GRAMD1C: variants seen among roughly 807,000 people sequenced by gnomAD.
GRAMD1C encodes GRAM domain containing 1C, also known as protein Aster-C.
In GRAMD1C, 89 loss-of-function variants were observed where a neutral mutation model predicts 97.8. The observed-to-expected ratio is 0.91, with a 90% CI of 0.77 to 1.09. The LOEUF is 1.09. Ranked by LOEUF, GRAMD1C falls within the 50% of genes least tolerant of loss-of-function variation. The probability of loss-of-function intolerance (pLI) is 0.00; values close to 1 mark genes in which losing one functional copy is unlikely to be tolerated. For missense variants in GRAMD1C, 740 were observed against 766.4 expected (o/e 0.97, Z 0.41); for synonymous variants, 256 against 267.0 (o/e 0.96, Z 0.40).
intron 2 of GRAMD1C, among the ~76,000 whole-genome samples, chr3:113,868,168 T>C (rs567835391): frequency 6.6e-6 from 1 of 152,212 alleles, no homozygotes; most frequent in Non-Finnish European, 1.5e-5. Flanking sequence ...GTTCTTTACT[T>C]GTTGAGTCAT....
upstream of GRAMD1C, among the ~76,000 whole-genome samples, chr3:113,833,942 A>G (rs747871155): frequency 6.6e-6 from 1 of 152,204 alleles, no homozygotes; most frequent in South Asian, 2.1e-4. Context: ...GAAACTGCAC[A>G]GAATTCCAAA....
chr3:113,867,515 C>T (rs927398912), intron 2 of GRAMD1C, among the ~76,000 whole-genome samples: 2 of 152,078 alleles, frequency 1.3e-5, no homozygotes, highest in Admixed American at 1.3e-4. Flanking sequence ...CAGTCTTGAA[C>T]TATTGACCTT....
rs1245534158 is a variant in GRAMD1C, at chr3:113,885,710, C to A, written c.540+2878C>A. 2.1e-5 allele frequency: 32 copies of A among 1,538,978 alleles called. 1 individual carries two copies. In the Middle Eastern group the frequency reaches 9.4e-4, roughly 45 times the overall value. ...TTACAGAAAGCATGGAGATCTATGG[C>A]TTTGCTGTGGCAGGTAAACTGGACA... On this transcript the variant is annotated intron_variant, in intron 6 of 17. Transcript: ENST00000358160.
At chr3:113,883,932 G>A (rs183722195) in intron 6 of GRAMD1C, among the ~76,000 whole-genome samples, 20 of 152,170 alleles carry the variant, frequency 1.3e-4, no homozygotes, top group Admixed American at 7.8e-4. Flanking sequence ...GATAGCTTGA[G>A]TCCAGGAGTT....
intron 2 of GRAMD1C, among the ~76,000 whole-genome samples, chr3:113,856,904 A>G: frequency 6.6e-6 from 1 of 150,826 alleles, no homozygotes; most frequent in East Asian, 1.9e-4. Flanking sequence ...CTGTGGTACA[A>G]TCTCGGCTCA....
chr3:113,852,482 A>G (rs939916139), intron 2 of GRAMD1C, among the ~76,000 whole-genome samples: 1 of 152,230 alleles, frequency 6.6e-6, no homozygotes, highest in Non-Finnish European at 1.5e-5. Flanking sequence ...ACTTCTGGCA[A>G]TACAAGAAGG....
intron 1 of GRAMD1C, among the ~76,000 whole-genome samples, chr3:113,843,481 T>C (rs542001893): frequency 6.6e-6 from 1 of 152,134 alleles, no homozygotes; most frequent in South Asian, 2.1e-4. Context: ...AATTACCCGA[T>C]GGGCCCATAT....
chr3:113,845,912 C>T (rs933443597), intron 2 of GRAMD1C, among the ~76,000 whole-genome samples: 7 of 115,208 alleles, frequency 6.1e-5, no homozygotes, highest in East Asian at 2.2e-4. Flanking sequence ...GTGACTAAAA[C>T]GTTTGATTTC....
chr3:113,843,751 C>A (rs1933479702), intron 1 of GRAMD1C, among the ~76,000 whole-genome samples: 1 of 152,232 alleles, frequency 6.6e-6, no homozygotes, highest in Non-Finnish European at 1.5e-5. Context: ...AGCCACCTCG[C>A]ACAGCTGGCA....
chr3:113,934,579 T>G, intron 13 of GRAMD1C, 44 bp downstream of exon 13: 1 of 841,272 alleles, frequency 1.2e-6, no homozygotes, highest in East Asian at 2.6e-5. Flanking sequence ...AAGATGGGAT[T>G]TATTAACAAA....
At chr3:113,887,067 A>C (rs1331635717) in intron 6 of GRAMD1C, among the ~76,000 whole-genome samples, 7 of 140,752 alleles carry the variant, frequency 5.0e-5, no homozygotes, top group Non-Finnish European at 1.5e-5. Flanking sequence ...GGCATGAGCC[A>C]CTGCGCCTGG....
chr3:113,858,394 ATT>A (rs71144094), intron 2 of GRAMD1C, among the ~76,000 whole-genome samples: 3 of 109,358 alleles, frequency 2.7e-5, no homozygotes, highest in Non-Finnish European at 3.4e-5. Context: ...TCCCAGCTAC[ATT>A]TTTTTTTTTT....
intron 9 of GRAMD1C, among the ~76,000 whole-genome samples, chr3:113,909,522 T>C (rs1936489271): frequency 6.6e-6 from 1 of 152,214 alleles, no homozygotes; most frequent in Non-Finnish European, 1.5e-5. Context: ...CACAGCTAGT[T>C]AACTATGCAG....
At chr3:113,933,098 T>C (rs1017685812) in intron 11 of GRAMD1C, among the ~76,000 whole-genome samples, 1 of 152,178 alleles carries the variant, frequency 6.6e-6, no homozygotes, top group Admixed American at 6.5e-5. Flanking sequence ...TTGGCCAGGC[T>C]GGTCTTGAAC....
intron 6 of GRAMD1C, among the ~76,000 whole-genome samples, chr3:113,883,537 A>C (rs1935338827): frequency 6.6e-6 from 1 of 151,986 alleles, no homozygotes; most frequent in African/African-American, 2.4e-5. Context: ...AAAAAAAAAA[A>C]AAACAACCAT....
chr3:113,886,761 TTTTG>T (rs1268635712), intron 6 of GRAMD1C, among the ~76,000 whole-genome samples: 31 of 150,804 alleles, frequency 2.1e-4, no homozygotes, highest in Non-Finnish European at 3.4e-4. Flanking sequence ...AGTTGTTTTT[TTTTG>T]TTTGTTTGCT....
chr3:113,907,100 C>T (rs1292849156), intron 8 of GRAMD1C, among the ~76,000 whole-genome samples: 6 of 152,136 alleles, frequency 3.9e-5, no homozygotes, highest in Non-Finnish European at 8.8e-5. Flanking sequence ...GTCATCAAAG[C>T]AATGTATGAC....
chr3:113,873,174 A>C (rs9815831), intron 3 of GRAMD1C, among the ~76,000 whole-genome samples: 91,448 of 148,398 alleles, frequency 0.62, 28,259 homozygotes, highest in South Asian at 0.75. Context: ...ACATGAGAAT[A>C]GCTTGAACCC....
rs921626073 is a variant in GRAMD1C at position 113,838,849 on chromosome 3, G to GGCGCGGGGCGGTGC, written c.-59_-46dup. 1.3e-5 allele frequency: 15 copies of GGCGCGGGGCGGTGC among 1,193,848 alleles called. No individual in the cohort carries two copies. Among genetic ancestry groups the GGCGCGGGGCGGTGC allele is most frequent in the African/African-American group, 1.6e-5 (1 of 63,396 alleles). 74.0% of individuals were successfully genotyped at this position (1,193,848 alleles called of 1,614,324 possible). A position where few individuals can be genotyped will look rare whatever the true frequency, so the allele number is the denominator to read the frequency against. On this transcript the variant is annotated 5_prime_UTR_variant, in exon 1 of 18. Transcript: ENST00000358160. ...TAACTCGCAGCGCGCGCTGGAGGTG[G>GGCGCGGGGCGGTGC]GCGCGGGGCGGTGCGGTGCGGTGCG... is the stretch of plus-strand genomic sequence containing the variant.
Sources: gnomAD v4.1 joint callset for allele counts (sites outside exome capture counted in the v4.1 genomes callset) on GRCh38, gnomAD v4.1.1 for gene constraint, MANE v1.5 for transcripts, NCBI Gene and HGNC (gene_info 2026-07-23, HGNC 2026-07-21) for gene names.